Variants in PAK1IP1 observed in about 807,000 individuals in gnomAD.
The protein encoded by PAK1IP1 is PAK1 interacting protein 1.
A neutral mutation model predicts 42.0 loss-of-function variants in PAK1IP1; 24 were observed. The observed-to-expected ratio is 0.57, with a 90% CI of 0.41 to 0.80. PAK1IP1 has a LOEUF of 0.80. PAK1IP1 is among the 30% of genes least tolerant of loss of function. The probability of loss-of-function intolerance (pLI) is 0.00; values close to 1 mark genes in which losing one functional copy is unlikely to be tolerated. For synonymous variants in PAK1IP1, 154 were observed against 156.7 expected (o/e 0.98, Z 0.13); for missense variants, 411 against 467.9 (o/e 0.88, Z 1.12).
chr6:10,691,680 C>T (rs1769324095), upstream of PAK1IP1, among the ~76,000 whole-genome samples: 2 of 152,018 alleles, frequency 1.3e-5, no homozygotes, highest in Non-Finnish European at 2.9e-5. Flanking sequence ...ATGCTCTCCT[C>T]CAAAAATGTA....
chr6:10,700,585 T>G (rs754061943), intron 2 of PAK1IP1, among the ~76,000 whole-genome samples: 25 of 152,344 alleles, frequency 1.6e-4, no homozygotes, highest in Middle Eastern at 3.4e-3. Context: ...TTTGAGTGAT[T>G]CAAATATACA....
chr6:10,704,425 T>C (rs1193173514), intron 5 of PAK1IP1, 82 bp from the exon 6 acceptor site: 1 of 780,568 alleles, frequency 1.3e-6, no homozygotes, highest in East Asian at 2.7e-5. Flanking sequence ...ATGCACAGTA[T>C]AAATATTTGC....
At chr6:10,697,816 G>A (rs1035996053) in intron 2 of PAK1IP1, among the ~76,000 whole-genome samples, 17 of 151,596 alleles carry the variant, frequency 1.1e-4, no homozygotes, top group African/African-American at 3.9e-4. Flanking sequence ...GTTTGAACCC[G>A]TGAGGCAGAG....
At chr6:10,704,182 G>C (rs867438647) in intron 5 of PAK1IP1, among the ~76,000 whole-genome samples, 2 of 151,922 alleles carry the variant, frequency 1.3e-5, no homozygotes, top group African/African-American at 4.8e-5. Context: ...CACCATGCTT[G>C]GCTAATTTTT....
intron 7 of PAK1IP1, among the ~76,000 whole-genome samples, chr6:10,705,073 C>G (rs113628960): frequency 0.062 from 9,486 of 152,108 alleles, 1,020 homozygotes; most frequent in African/African-American, 0.22. Flanking sequence ...GCCTGTAATC[C>G]CAACACTTTG....
chr6:10,705,237 G>A (rs950982067), intron 7 of PAK1IP1, among the ~76,000 whole-genome samples: 1 of 152,084 alleles, frequency 6.6e-6, no homozygotes, highest in African/African-American at 2.4e-5. Context: ...AGAATCACTT[G>A]AACCCTGGAG....
In PAK1IP1 at chr6:10,695,031, G is replaced by A; in HGVS notation, c.46G>A (p.Ala16Thr). The change falls in exon 1 of 10, where the codon GCT becomes ACT. Residue 16 changes from alanine to threonine, a missense_variant. By Grantham distance (58) the Ala-to-Thr change is moderately conservative. Coordinates refer to ENST00000379568, the MANE Select transcript of PAK1IP1 (RefSeq NM_017906.3). ...GCYEQVLFGF[A>T]VHPEPEACGD... ...CTACGAGCAGGTCCTCTTTGGGTTC[G>A]CTGTACACCCGGAGCCCGAGGCTTG... 6.2e-7 allele frequency: 1 copy of A among 1,602,794 alleles called. No individual in the cohort carries two copies. The highest frequency in any genetic ancestry group is 1.3e-5 in the African/African-American group (1 of 74,702).
chr6:10,690,872 A>T (rs187489170), upstream of PAK1IP1, among the ~76,000 whole-genome samples: 1 of 152,236 alleles, frequency 6.6e-6, no homozygotes, highest in Non-Finnish European at 1.5e-5. Flanking sequence ...GAGGATTTAC[A>T]GGAAGTTATG....
chr6:10,698,636 T>A (rs1334815051), intron 2 of PAK1IP1, among the ~76,000 whole-genome samples: 1 of 152,132 alleles, frequency 6.6e-6, no homozygotes, highest in African/African-American at 2.4e-5. Context: ...ATGAATGATG[T>A]GGGCTTGAGG....
chr6:10,705,547 AGTGAATTGAC>A (rs1191247112), intron 7 of PAK1IP1, among the ~76,000 whole-genome samples: 1,966 of 152,144 alleles, frequency 0.013, 46 homozygotes, highest in African/African-American at 0.044. Context: ...CTGCAGGAGA[AGTGAATTGAC>A]GTTATTGAGT....
At chr6:10,703,084 C>T (rs1313695434) in intron 4 of PAK1IP1, among the ~76,000 whole-genome samples, 4 of 152,134 alleles carry the variant, frequency 2.6e-5, no homozygotes, top group African/African-American at 7.2e-5. Flanking sequence ...GGATTACAGG[C>T]GTGAGCCACC....
chr6:10,708,036 A>G (rs952495408), intron 8 of PAK1IP1, among the ~76,000 whole-genome samples: 3 of 124,790 alleles, frequency 2.4e-5, no homozygotes, highest in Admixed American at 7.9e-5. Context: ...TTTCTTTAGA[A>G]TTTTCTTTTT....
intron 7 of PAK1IP1, among the ~76,000 whole-genome samples, chr6:10,706,341 A>C (rs1770203922): frequency 6.6e-6 from 1 of 152,060 alleles, no homozygotes; most frequent in Admixed American, 6.6e-5. Context: ...AGCAAGGAGA[A>C]GACGGTGGAA....
At chr6:10,703,253 A>G (rs1041907259) in intron 4 of PAK1IP1, 152 bp from the exon 5 acceptor site, 2 of 602,214 alleles carry the variant, frequency 3.3e-6, no homozygotes, top group African/African-American at 3.8e-5. Context: ...CTGCCTCATA[A>G]TATTTCAAAA....
At chr6:10,700,747 G>A (rs1233905682) in intron 2 of PAK1IP1, among the ~76,000 whole-genome samples, 1 of 152,152 alleles carries the variant, frequency 6.6e-6, no homozygotes, top group Non-Finnish European at 1.5e-5. Context: ...AGTTTAGATT[G>A]GGGGGTGAAT....
At chr6:10,705,404 CTT>C (rs1770172430) in intron 7 of PAK1IP1, among the ~76,000 whole-genome samples, 1 of 152,162 alleles carries the variant, frequency 6.6e-6, no homozygotes, top group Non-Finnish European at 1.5e-5. Context: ...GTCTGTTAGA[CTT>C]GGAGCCTGAA....
At position 10,697,379 on chromosome 6, in the gene PAK1IP1, C is replaced by T; in HGVS notation, c.140C>T (p.Ala47Val). Residue 47 changes from alanine to valine, a missense_variant, in exon 2 of 10, where the codon GCA (alanine) becomes GTA (valine). Coordinates refer to ENST00000379568, the MANE Select transcript of PAK1IP1 (RefSeq NM_017906.3). ...THHAHTASLS[A>V]VAVNSRFVVT... ...CATGCTCACACTGCCTCCTTGTCAG[C>T]AGTAGCTGTAAATAGTCGTTTTGTG... 1 of 1,613,884 alleles carries T rather than the reference C, an allele frequency of 6.2e-7. No individual in the cohort carries two copies. The highest frequency in any genetic ancestry group is 8.5e-7 in the Non-Finnish European group (1 of 1,179,830).
upstream of PAK1IP1, among the ~76,000 whole-genome samples, chr6:10,693,734 CTTT>C (rs368455566): frequency 0.016 from 2,429 of 151,736 alleles, 46 homozygotes; most frequent in African/African-American, 0.045. Context: ...TTAAATAAAA[CTTT>C]TTTTTTCTTT....
chr6:10,703,669 G>A (rs6456633), intron 5 of PAK1IP1, among the ~76,000 whole-genome samples: 31,511 of 152,164 alleles, frequency 0.21, 10,066 homozygotes, highest in African/African-American at 0.69. Flanking sequence ...TGTATATGAA[G>A]CATAGATGAA....
Sources: gnomAD v4.1 joint callset for allele counts (sites outside exome capture counted in the v4.1 genomes callset) on GRCh38, gnomAD v4.1.1 for gene constraint, MANE v1.5 for transcripts, NCBI Gene and HGNC (gene_info 2026-07-23, HGNC 2026-07-21) for gene names.